The following STXBP4 variants were observed in gnomAD, a reference collection of about 807,000 sequenced individuals.
STXBP4 encodes the protein syntaxin binding protein 4.
In STXBP4, 55 loss-of-function variants were observed where a neutral mutation model predicts 76.1. That is an observed-to-expected ratio of 0.72 (90% CI 0.58 to 0.91). The LOEUF (loss-of-function observed/expected upper bound fraction) is 0.91, where lower values mean the gene tolerates loss of function less well. Ranked by LOEUF, STXBP4 falls within the 40% of genes least tolerant of loss-of-function variation. The pLI is 0.00. For synonymous variants in STXBP4, 201 were observed against 220.2 expected (o/e 0.91, Z 0.77); for missense variants, 618 against 636.9 (o/e 0.97, Z 0.32).
chr17:54,976,477 A>C (rs1173600271), intron 1 of STXBP4, among the ~76,000 whole-genome samples: 1 of 152,212 alleles, frequency 6.6e-6, no homozygotes, highest in Non-Finnish European at 1.5e-5. Context: ...TACTATCAAG[A>C]AACTGAAACT....
chr17:54,980,841 A>C (rs12936957), intron 1 of STXBP4, among the ~76,000 whole-genome samples: 1 of 152,068 alleles, frequency 6.6e-6, no homozygotes, highest in African/African-American at 2.4e-5. Flanking sequence ...GGCTTGTCCC[A>C]TCTGTGGCCC....
chr17:55,185,300 C>T, the STXBP4 span, among the ~76,000 whole-genome samples: 2 of 121,498 alleles, frequency 1.6e-5, no homozygotes, highest in Non-Finnish European at 3.4e-5. Flanking sequence ...TCTCCTTCTC[C>T]TTCTCCTTCT....
chr17:55,174,517 T>G (rs957840524), downstream of STXBP4, among the ~76,000 whole-genome samples: 1 of 152,256 alleles, frequency 6.6e-6, no homozygotes, highest in African/African-American at 2.4e-5. Flanking sequence ...TCAAATATTT[T>G]GCCCATTTTT....
intron 16 of STXBP4, among the ~76,000 whole-genome samples, chr17:55,107,647 C>G (rs573313963): frequency 6.6e-6 from 1 of 152,138 alleles, no homozygotes; most frequent in Admixed American, 6.5e-5. Context: ...CCTTTCTGTT[C>G]GTTAGTTTTC....
chr17:55,010,741 G>A (rs1295514217), intron 8 of STXBP4, among the ~76,000 whole-genome samples: 1 of 152,122 alleles, frequency 6.6e-6, no homozygotes. Flanking sequence ...ACTGTAGAGA[G>A]CAATGGCATA....
At chr17:55,046,038 C>T (rs1343274543) in intron 11 of STXBP4, among the ~76,000 whole-genome samples, 1 of 151,972 alleles carries the variant, frequency 6.6e-6, no homozygotes, top group African/African-American at 2.4e-5. Context: ...AATTTTATGT[C>T]AATAGCTAAT....
intron 3 of STXBP4, among the ~76,000 whole-genome samples, chr17:54,989,114 CTT>C (rs1182564385): frequency 6.6e-6 from 1 of 152,046 alleles, no homozygotes; most frequent in Non-Finnish European, 1.5e-5. Context: ...TGAAGTAACT[CTT>C]TTTCTTTTTG....
chr17:55,003,335 G>C (rs1435728124), intron 7 of STXBP4, among the ~76,000 whole-genome samples: 1 of 152,154 alleles, frequency 6.6e-6, no homozygotes, highest in Non-Finnish European at 1.5e-5. Context: ...ATATATTTAA[G>C]TAAGTTATAG....
At chr17:55,083,750 T>C (rs1598296537) in intron 16 of STXBP4, among the ~76,000 whole-genome samples, 2 of 152,186 alleles carry the variant, frequency 1.3e-5, no homozygotes, top group Non-Finnish European at 2.9e-5. Context: ...TCAAGGTAGT[T>C]GAATTTCTTA....
the STXBP4 span, among the ~76,000 whole-genome samples, chr17:55,192,391 G>A: frequency 1.3e-5 from 2 of 152,162 alleles, no homozygotes; most frequent in African/African-American, 2.4e-5. Context: ...TGTGAGCAAC[G>A]TGGTGTCAAG....
chr17:54,990,787 C>G (rs1318161479), intron 3 of STXBP4, 38 bp from the exon 4 acceptor site: 2 of 1,560,586 alleles, frequency 1.3e-6, no homozygotes, highest in Non-Finnish European at 8.6e-7. Flanking sequence ...GTGCAGATCT[C>G]TAGACTAACC....
At chr17:55,209,659 G>A in the STXBP4 span, among the ~76,000 whole-genome samples, 1 of 152,202 alleles carries the variant, frequency 6.6e-6, no homozygotes. Context: ...GGATAAGGGC[G>A]AGCAGCTGAG....
intron 16 of STXBP4, among the ~76,000 whole-genome samples, chr17:55,103,888 A>G (rs543394467): frequency 8.5e-5 from 13 of 152,264 alleles, no homozygotes; most frequent in African/African-American, 3.1e-4. Flanking sequence ...TCTTTGTAGC[A>G]ATTGTGAATG....
At chr17:55,175,793 G>A (rs1344255039), downstream of STXBP4, among the ~76,000 whole-genome samples, 1 of 152,220 alleles carries the variant, frequency 6.6e-6, no homozygotes, top group Admixed American at 6.5e-5. Flanking sequence ...AAGAAGGATA[G>A]AAAGAGATGA....
intron 12 of STXBP4, among the ~76,000 whole-genome samples, chr17:55,052,014 AC>A (rs915904164): frequency 1.4e-4 from 21 of 152,124 alleles, no homozygotes; most frequent in African/African-American, 4.8e-4. Flanking sequence ...GTCAAAAAAA[AC>A]ATTAAGTCAA....
rs1349056466 is a variant in STXBP4 at position 54,990,954 on chromosome 17, T to A, written c.177T>A (p.Tyr59Ter). Residue 59 changes from tyrosine (Y) to a stop codon, truncating the protein, a stop_gained, in exon 4 of 18, where the codon TAT becomes TAA. Transcript: ENST00000376352. LOFTEE classifies it high-confidence loss of function. ...AAATTATTCCTGGAGGAGACTGTTA[T>A]AAGGTAAAAATATGTCCCATGCCCA... ...IQEIIPGGDC[Y>*]KDGRLKPGDQ... The A allele has an allele frequency of 1.3e-6, 2 of 1,563,786 alleles. No individual in the cohort carries two copies. Among genetic ancestry groups the A allele is most frequent in the South Asian group, 1.2e-5 (1 of 81,256 alleles).
intron 12 of STXBP4, 31 bp downstream of exon 12, chr17:55,047,185 C>CGT (rs34336794): frequency 0.15 from 123,690 of 802,742 alleles, 4,026 homozygotes; most frequent in Admixed American, 0.15. Context: ...TATATGTGCT[C>CGT]GTGTGTGTGT....
At chr17:55,191,146 G>A in the STXBP4 span, among the ~76,000 whole-genome samples, 1 of 152,104 alleles carries the variant, frequency 6.6e-6, no homozygotes, top group East Asian at 1.9e-4. Flanking sequence ...TACAGATGAG[G>A]AAGCTGAAAC....
intron 12 of STXBP4, among the ~76,000 whole-genome samples, chr17:55,049,144 T>C (rs2078827665): frequency 6.6e-6 from 1 of 151,978 alleles, no homozygotes; most frequent in African/African-American, 2.4e-5. Flanking sequence ...CAAAAATGTT[T>C]TATATAGCCA....
Sources: gnomAD v4.1 joint callset for allele counts (sites outside exome capture counted in the v4.1 genomes callset) on GRCh38, gnomAD v4.1.1 for gene constraint, MANE v1.5 for transcripts, NCBI Gene and HGNC (gene_info 2026-07-23, HGNC 2026-07-21) for gene names.